Variants in PPP1R13B observed in about 807,000 individuals in gnomAD.
PPP1R13B encodes apoptosis-stimulating of p53 protein 1.
Under a neutral mutation model 119.8 loss-of-function variants are expected in PPP1R13B, and 44 were observed. That is an observed-to-expected ratio of 0.37 (90% CI 0.29 to 0.47). PPP1R13B has a LOEUF of 0.47. Ranked by LOEUF, PPP1R13B falls within the 20% of genes least tolerant of loss-of-function variation. PPP1R13B has a pLI of 0.99. For missense variants in PPP1R13B, 1,227 were observed against 1,413.5 expected, an observed-to-expected ratio of 0.87 and a Z score of 2.12; for synonymous variants, 542 against 561.5, an observed-to-expected ratio of 0.97 and a Z score of 0.49.
intron 6 of PPP1R13B, among the ~76,000 whole-genome samples, chr14:103,753,715 G>A (rs906998314): frequency 6.6e-6 from 1 of 152,120 alleles, no homozygotes; most frequent in African/African-American, 2.4e-5. Flanking sequence ...CGTAACAAGA[G>A]GATTTTTCTA....
Position 103,740,580 on chromosome 14 carries a change from G to A in PPP1R13B, c.1836C>T (p.Pro612=), listed in dbSNP as rs377164425. 20 of 1,530,304 alleles carry A rather than the reference G, an allele frequency of 1.3e-5. No homozygotes were observed. The highest frequency in any genetic ancestry group is 5.9e-5 in the Admixed American group (3 of 50,464). 94.8% of individuals were successfully genotyped at this position (1,530,304 alleles called of 1,614,324 possible). A position where few individuals can be genotyped will look rare whatever the true frequency, so the allele number is the denominator to read the frequency against. Reference sequence around the variant, plus strand: ...GAGAGGTTGAACCCGAAGGTAAAACGGGCTTACCATACACTGGGGAAGACA... The same window carrying A: ...GAGAGGTTGAACCCGAAGGTAAAACAGGCTTACCATACACTGGGGAAGACA... The part of the protein sequence containing the change: ...NKSVKAVYGK[P]VLPSGSTSPS... The change falls in exon 12 of 17, where the codon CCC becomes CCT. Residue 612 remains proline (P), a synonymous_variant. Coordinates refer to ENST00000202556, the MANE Select transcript of PPP1R13B (RefSeq NM_015316.3). The surrounding 1 kb of genome is among the most constrained non-coding windows in gnomAD (Gnocchi z 4.6).
Position 103,735,111 on chromosome 14 carries a change from C to T in PPP1R13B, c.*43G>A, listed in dbSNP as rs763679600. The T allele has an allele frequency of 3.1e-6, 5 of 1,610,622 alleles. No individual in the cohort carries two copies. Among genetic ancestry groups the T allele is most frequent in the Admixed American group, 3.3e-5 (2 of 60,008 alleles). The stretch of plus-strand genomic sequence containing the variant: ...AACAGCACAATAATCTCTTAAGTGG[C>T]TCCTGGTAGCTGGCAAGACCATGCG... On this transcript the variant is annotated 3_prime_UTR_variant, in exon 17 of 17. Transcript: ENST00000202556.
At chr14:103,807,249 A>T (rs376750234) in intron 1 of PPP1R13B, among the ~76,000 whole-genome samples, 22 of 152,280 alleles carry the variant, frequency 1.4e-4, no homozygotes, top group East Asian at 7.7e-4. Context: ...AGCTTTCCTT[A>T]ACCGAGAGTC....
Position 103,742,252 on chromosome 14 carries a change from C to A in PPP1R13B, c.1360G>T (p.Val454Leu). 1 of 1,583,010 alleles carries A rather than the reference C, an allele frequency of 6.3e-7. No individual in the cohort carries two copies. The highest frequency in any genetic ancestry group is 8.5e-7 in the Non-Finnish European group (1 of 1,170,260). Residue 454 changes from valine (V) to leucine (L), a missense_variant, in exon 11 of 17, where the codon GTA becomes TTA. Val to Leu is a conservative substitution (Grantham distance 32). Transcript: ENST00000202556. The surrounding 1 kb of genome is among the most constrained non-coding windows in gnomAD (Gnocchi z 4.9). Reference protein sequence around the residue: ...IGKVPPPIPGVGKQLPPSYGT... With the variant: ...IGKVPPPIPGLGKQLPPSYGT... ...TAGCTTGGAGGCAGCTGCTTGCCTACACCCGGGATGGGAGGTGGCACTTTA... is the reference window on the plus strand; with the variant it reads ...TAGCTTGGAGGCAGCTGCTTGCCTAAACCCGGGATGGGAGGTGGCACTTTA...
intron 1 of PPP1R13B, among the ~76,000 whole-genome samples, chr14:103,842,384 C>T (rs2152088816): frequency 6.8e-6 from 1 of 147,672 alleles, no homozygotes; most frequent in African/African-American, 2.5e-5. Context: ...CTCACTGCAA[C>T]CTCCGCCTCC....
At chr14:103,820,652 A>AT (rs35928276) in intron 1 of PPP1R13B, among the ~76,000 whole-genome samples, 6,502 of 102,692 alleles carry the variant, frequency 0.063, 385 homozygotes, top group Non-Finnish European at 0.074. Context: ...CATGCCCAGG[A>AT]TTTTTTTTTT....
chr14:103,786,272 G>C (rs1266561491), intron 2 of PPP1R13B, among the ~76,000 whole-genome samples: 1 of 151,682 alleles, frequency 6.6e-6, no homozygotes, highest in Non-Finnish European at 1.5e-5. Flanking sequence ...GAACTGCTGG[G>C]CTCAAGCAAT....
chr14:103,848,493 T>A, upstream of PPP1R13B: 1 of 985,426 alleles, frequency 1.0e-6, no homozygotes, highest in Non-Finnish European at 1.2e-6. Flanking sequence ...ATGGTGCCAT[T>A]CGCCCGGACC....
At chr14:103,752,776 G>A (rs1433468630) in intron 7 of PPP1R13B, among the ~76,000 whole-genome samples, 1 of 152,150 alleles carries the variant, frequency 6.6e-6, no homozygotes, top group Non-Finnish European at 1.5e-5. Context: ...CTTGTGATCT[G>A]CCCGCCTCGG....
At chr14:103,845,644 C>T (rs570452662) in intron 1 of PPP1R13B, among the ~76,000 whole-genome samples, 12 of 152,236 alleles carry the variant, frequency 7.9e-5, no homozygotes, top group African/African-American at 2.9e-4. Flanking sequence ...AGCCAAGTTT[C>T]TTAGCAGGAT....
chr14:103,830,892 A>G (rs2086651359), intron 1 of PPP1R13B, among the ~76,000 whole-genome samples: 1 of 152,144 alleles, frequency 6.6e-6, no homozygotes, highest in South Asian at 2.1e-4. Context: ...AAAAAAAAGA[A>G]TGTAAACTAC....
rs371254311 is a variant in PPP1R13B at position 103,772,798 on chromosome 14, T to G, written c.354+5947A>C. On this transcript the variant is annotated intron_variant, in intron 4 of 16. Coordinates refer to ENST00000202556, the MANE Select transcript of PPP1R13B (RefSeq NM_015316.3). ...AGTGATTCTCCTGCCTCCCAAGTAG[T>G]TGGGATTACAGGCGTGCACAACCAT... 6.6e-5 allele frequency among the ~76,000 whole-genome samples: 10 copies of G among 152,030 alleles called. No homozygotes were observed. The East Asian group carries it at 1.5e-3, about 23-fold the overall frequency.
At chr14:103,838,610 C>T (rs1321642766) in intron 1 of PPP1R13B, among the ~76,000 whole-genome samples, 1 of 152,192 alleles carries the variant, frequency 6.6e-6, no homozygotes, top group Non-Finnish European at 1.5e-5. Flanking sequence ...ATATCCCCCT[C>T]CCCAGAAAAA....
chr14:103,753,936 T>C (rs1057432803), intron 6 of PPP1R13B, 134 bp downstream of exon 6: 1 of 1,140,486 alleles, frequency 8.8e-7, no homozygotes, highest in African/African-American at 1.6e-5. Flanking sequence ...TAGATGCAAA[T>C]AACAGAGCAA....
In PPP1R13B at chr14:103,740,275, G is replaced by A; in HGVS notation, c.2141C>T (p.Pro714Leu). ...GATGTTGGGCCCGCCGGGGCCCTCGGGCTCTGTGATGGAGCTGCGCTTTTT... is the reference window on the plus strand; with the variant it reads ...GATGTTGGGCCCGCCGGGGCCCTCGAGCTCTGTGATGGAGCTGCGCTTTTT... ...PLKKRSSITE[P>L]EGPGGPNIQK... is the part of the protein sequence containing the mutation. Residue 714 changes from proline to leucine, a missense_variant, in exon 12 of 17, where the codon CCC (proline) becomes CTC (leucine). By Grantham distance (98) the Pro-to-Leu change is moderately conservative. Coordinates refer to ENST00000202556, the MANE Select transcript of PPP1R13B (RefSeq NM_015316.3). This position sits in a 1 kb window ranked among gnomAD's most constrained non-coding sequence, Gnocchi z 4.6. 1 of 1,600,212 alleles carries A rather than the reference G, an allele frequency of 6.2e-7. No individual in the cohort carries two copies. Among genetic ancestry groups the A allele is most frequent in the Non-Finnish European group, 8.5e-7 (1 of 1,172,958 alleles).
intron 1 of PPP1R13B, 147 bp from the exon 2 acceptor site, chr14:103,797,665 C>A: frequency 4.4e-6 from 2 of 453,712 alleles, no homozygotes; most frequent in Admixed American, 4.5e-5. Flanking sequence ...TAAGCTGATT[C>A]TAAAGTTCAT....
At chr14:103,840,852 C>T (rs760544624) in intron 1 of PPP1R13B, among the ~76,000 whole-genome samples, 5 of 151,980 alleles carry the variant, frequency 3.3e-5, no homozygotes, top group Non-Finnish European at 7.4e-5. Context: ...ACAGGAGAGC[C>T]ACTGAAATGT....
intron 8 of PPP1R13B, 108 bp from the exon 9 acceptor site, chr14:103,746,661 G>T: frequency 1.0e-6 from 1 of 992,076 alleles, no homozygotes; most frequent in Admixed American, 3.1e-5. Context: ...CTCAGTGGTT[G>T]GTTTTTAGGA....
intron 1 of PPP1R13B, 99 bp from the exon 2 acceptor site, chr14:103,797,617 A>G (rs1356546191): frequency 1.4e-5 from 7 of 509,904 alleles, no homozygotes; most frequent in Middle Eastern, 7.7e-4. Context: ...CCCGCCCCCA[A>G]AATGCCTACA....
Sources: allele counts gnomAD v4.1 joint callset (sites outside exome capture counted in the v4.1 genomes callset), GRCh38; gene constraint gnomAD v4.1.1; non-coding constraint Gnocchi (gnomAD v3.1); transcripts MANE v1.5; gene names NCBI Gene and HGNC (gene_info 2026-07-23, HGNC 2026-07-21).